SORCS3: variants seen among roughly 807,000 people sequenced by gnomAD.
SORCS3 encodes sortilin related VPS10 domain containing receptor 3, also known as VPS10 domain-containing receptor SorCS3.
In SORCS3, 57 loss-of-function variants were observed where a neutral mutation model predicts 146.3. The ratio of observed to expected loss-of-function variants is 0.39; its 90% CI spans 0.31 to 0.49. The LOEUF is 0.49. Ranked by LOEUF, SORCS3 falls within the 20% of genes least tolerant of loss-of-function variation. SORCS3 has a pLI of 0.92. For synonymous variants in SORCS3, 653 were observed against 618.5 expected (o/e 1.06, Z -0.83); for missense variants, 1,341 against 1,575.5 (o/e 0.85, Z 2.52).
At chr10:104,770,776 T>C (rs2017239133) in intron 1 of SORCS3, among the ~76,000 whole-genome samples, 1 of 152,070 alleles carries the variant, frequency 6.6e-6, no homozygotes, top group Non-Finnish European at 1.5e-5. Flanking sequence ...GAGGCTGCAG[T>C]GAGCTGTGAT....
chr10:104,862,179 G>A (rs1470878772), intron 2 of SORCS3, among the ~76,000 whole-genome samples: 2 of 152,178 alleles, frequency 1.3e-5, no homozygotes, highest in African/African-American at 4.8e-5. Context: ...AGCTGAGGCT[G>A]AAGGATGAGG....
chr10:105,201,024 A>G, intron 15 of SORCS3, 96 bp from the exon 16 acceptor site: 1 of 1,366,064 alleles, frequency 7.3e-7, no homozygotes, highest in South Asian at 1.4e-5. Context: ...AAGTACCTAA[A>G]TGAGAATGAA....
chr10:104,784,467 G>A (rs1053769409), intron 1 of SORCS3, among the ~76,000 whole-genome samples: 15 of 152,254 alleles, frequency 9.9e-5, no homozygotes, highest in Non-Finnish European at 2.2e-4. Flanking sequence ...TGAGCCATTT[G>A]TAACAGCCCT....
intron 3 of SORCS3, among the ~76,000 whole-genome samples, chr10:104,932,949 T>G (rs2133612038): frequency 6.6e-6 from 1 of 152,342 alleles, no homozygotes; most frequent in Non-Finnish European, 1.5e-5. Flanking sequence ...CAGGCTGGTC[T>G]TGAACTCCTG....
chr10:104,995,551 G>C (rs1430249489), intron 4 of SORCS3, among the ~76,000 whole-genome samples: 1 of 152,064 alleles, frequency 6.6e-6, no homozygotes, highest in African/African-American at 2.4e-5. Context: ...ATCTTTTCAT[G>C]CACTTATTTT....
intron 2 of SORCS3, among the ~76,000 whole-genome samples, chr10:104,854,045 C>T (rs573246378): frequency 2.6e-5 from 4 of 152,180 alleles, no homozygotes; most frequent in Non-Finnish European, 5.9e-5. Flanking sequence ...CCATTCTTGT[C>T]TCACTTGCCC....
chr10:104,892,796 C>G (rs2018761728), intron 2 of SORCS3, among the ~76,000 whole-genome samples: 1 of 152,094 alleles, frequency 6.6e-6, no homozygotes, highest in Non-Finnish European at 1.5e-5. Flanking sequence ...TTTCCTCCCA[C>G]TTTATGTCTT....
chr10:104,737,320 T>C (rs2016786132), intron 1 of SORCS3, among the ~76,000 whole-genome samples: 1 of 151,798 alleles, frequency 6.6e-6, no homozygotes, highest in South Asian at 2.1e-4. Context: ...GGTCAAATGG[T>C]ATTTCTAGTT....
At chr10:104,685,837 C>A (rs534042718) in intron 1 of SORCS3, among the ~76,000 whole-genome samples, 1 of 152,170 alleles carries the variant, frequency 6.6e-6, no homozygotes, top group Non-Finnish European at 1.5e-5. Flanking sequence ...TCCCTTTGTC[C>A]CCACAAATGT....
At chr10:104,955,655 T>C (rs2019481641) in intron 3 of SORCS3, among the ~76,000 whole-genome samples, 1 of 152,210 alleles carries the variant, frequency 6.6e-6, no homozygotes, top group Admixed American at 6.5e-5. Flanking sequence ...CTTTGGCCCA[T>C]GAATGCAGTG....
At chr10:105,180,868 G>A (rs180946907) in intron 14 of SORCS3, among the ~76,000 whole-genome samples, 1 of 152,310 alleles carries the variant, frequency 6.6e-6, no homozygotes, top group Admixed American at 6.5e-5. Flanking sequence ...TAGCCTGCCA[G>A]ATCAGGATGG....
intron 1 of SORCS3, among the ~76,000 whole-genome samples, chr10:104,725,925 G>A (rs545757297): frequency 3.9e-5 from 6 of 152,336 alleles, no homozygotes; most frequent in Admixed American, 6.5e-5. Context: ...TGCGCTTCCC[G>A]GGTGAGGCGA....
At chr10:105,236,123 T>C (rs946160161) in intron 20 of SORCS3, among the ~76,000 whole-genome samples, 1 of 152,136 alleles carries the variant, frequency 6.6e-6, no homozygotes, top group Non-Finnish European at 1.5e-5. Flanking sequence ...TGCACTTGCA[T>C]TTCTGGGATT....
At chr10:104,940,644 T>C (rs1479893062) in intron 3 of SORCS3, among the ~76,000 whole-genome samples, 1 of 152,092 alleles carries the variant, frequency 6.6e-6, no homozygotes, top group African/African-American at 2.4e-5. Flanking sequence ...ACTCTATCAT[T>C]GATGGACATT....
intron 1 of SORCS3, among the ~76,000 whole-genome samples, chr10:104,680,588 C>T (rs1014036750): frequency 3.3e-5 from 5 of 152,220 alleles, no homozygotes; most frequent in Non-Finnish European, 5.9e-5. Flanking sequence ...GCCTTAGTTT[C>T]CTTATCTGTA....
chr10:104,845,786 C>T (rs1215000529), intron 2 of SORCS3, among the ~76,000 whole-genome samples: 1 of 152,120 alleles, frequency 6.6e-6, no homozygotes, highest in Non-Finnish European at 1.5e-5. Context: ...AAAAGATTCT[C>T]CAAGCTGGGT....
intron 3 of SORCS3, among the ~76,000 whole-genome samples, chr10:104,945,329 C>T (rs935249125): frequency 4.6e-5 from 7 of 152,064 alleles, no homozygotes; most frequent in African/African-American, 1.4e-4. Flanking sequence ...TCGGCTCAGG[C>T]TCACTGCAAC....
intron 13 of SORCS3, among the ~76,000 whole-genome samples, chr10:105,168,374 T>C (rs1174398655): frequency 6.6e-6 from 1 of 152,108 alleles, no homozygotes; most frequent in Non-Finnish European, 1.5e-5. Context: ...CTTGTTGCTG[T>C]TGTTGTTTTG....
At chr10:105,033,437 A>C (rs1003747964) in intron 4 of SORCS3, among the ~76,000 whole-genome samples, 8 of 152,198 alleles carry the variant, frequency 5.3e-5, no homozygotes, top group South Asian at 2.1e-4. Context: ...TGTGAAAAGA[A>C]CTGTCCAGGT....
Sources: gnomAD v4.1 joint callset for allele counts (sites outside exome capture counted in the v4.1 genomes callset) on GRCh38, gnomAD v4.1.1 for gene constraint, MANE v1.5 for transcripts, NCBI Gene and HGNC (gene_info 2026-07-23, HGNC 2026-07-21) for gene names.